NR2F1-AS1: variants seen among roughly 807,000 people sequenced by gnomAD.
NR2F1-AS1 encodes the protein NR2F1 regulatory antisense RNA 1.
rs144698873 is a variant in NR2F1-AS1, at chr5:93,416,745, T to A, written n.639-21203A>T. Among the ~76,000 whole-genome samples the A allele has an allele frequency of 4.1e-4, 63 of 152,310 alleles. No individual in the cohort carries two copies. The East Asian group carries it at 0.01, about 25-fold the overall frequency. ...CCTTCCAAAGTTGCAGTTGTCTGAC[T>A]CCAAAGCTCGTGCTCTTTACAATCA... On this transcript the variant is annotated intron_variant and non_coding_transcript_variant, in intron 4 of 5. Transcript: ENST00000660523.
chr5:93,578,142 C>CAG (rs1423282670), intron 1 of NR2F1-AS1, among the ~76,000 whole-genome samples: 1 of 152,154 alleles, frequency 6.6e-6, no homozygotes, highest in East Asian at 1.9e-4. Context: ...AACAGACAGA[C>CAG]AGTCCGCTTA....
rs927134850 is a variant in NR2F1-AS1, at chr5:93,579,475, G to C, written n.313+992C>G. The stretch of plus-strand genomic sequence containing the variant: ...GCACGGAGAGCCCACAGTAAGGATG[G>C]GTGGGCGCCTCTGCTCCCGGGCAGG... On this transcript the variant is annotated intron_variant and non_coding_transcript_variant, in intron 1 of 5. Coordinates refer to ENST00000660523, the Ensembl canonical transcript of NR2F1-AS1. The surrounding 1 kb of genome is among the most constrained non-coding windows in gnomAD (Gnocchi z 5.1). Among the ~76,000 whole-genome samples, 1 of 152,160 alleles carries C rather than the reference G, an allele frequency of 6.6e-6. No individual in the cohort carries two copies. Among genetic ancestry groups the C allele is most frequent in the Non-Finnish European group, 1.5e-5 (1 of 68,012 alleles).
chr5:93,569,325 C>A (rs1399965951), intron 1 of NR2F1-AS1, among the ~76,000 whole-genome samples: 2 of 152,280 alleles, frequency 1.3e-5, no homozygotes, highest in Admixed American at 6.5e-5. Context: ...ATTACAAGAT[C>A]CAGAATCAGA....
chr5:93,524,788 T>C (rs976293127), intron 4 of NR2F1-AS1, among the ~76,000 whole-genome samples: 2 of 152,056 alleles, frequency 1.3e-5, no homozygotes, highest in African/African-American at 4.8e-5. Context: ...AATAAAATCC[T>C]TTACAGACAA....
chr5:93,471,498 T>C (rs1750363328), intron 4 of NR2F1-AS1, among the ~76,000 whole-genome samples: 2 of 151,848 alleles, frequency 1.3e-5, no homozygotes, highest in African/African-American at 2.4e-5. Context: ...ACAATATGAA[T>C]AGAATATAAT....
chr5:93,500,767 G>A (rs1358038737), intron 4 of NR2F1-AS1, among the ~76,000 whole-genome samples: 1 of 152,058 alleles, frequency 6.6e-6, no homozygotes, highest in Non-Finnish European at 1.5e-5. Flanking sequence ...AGCCTCCTGA[G>A]TAGCTGGGAC....
rs565678997 is a variant in NR2F1-AS1 at position 93,557,893 on chromosome 5, C to T, written n.414-2898G>A. On this transcript the variant is annotated intron_variant and non_coding_transcript_variant, in intron 2 of 5. Transcript: ENST00000660523. Reference sequence around the variant, plus strand: ...TTATCAACTAAGTTTATATAATGTTCTAAATCTGTTATTACTTCAACAGTG... The same window carrying T: ...TTATCAACTAAGTTTATATAATGTTTTAAATCTGTTATTACTTCAACAGTG... Among the ~76,000 whole-genome samples, 289 of 152,296 alleles carry T rather than the reference C, an allele frequency of 1.9e-3. 1 individual carries two copies. Among genetic ancestry groups the T allele is most frequent in the Non-Finnish European group, 2.9e-3 (197 of 68,032 alleles).
intron 4 of NR2F1-AS1, among the ~76,000 whole-genome samples, chr5:93,533,029 T>G (rs1751765998): frequency 6.6e-6 from 1 of 152,220 alleles, no homozygotes; most frequent in South Asian, 2.1e-4. Flanking sequence ...TTTTAGTTAT[T>G]CATGTGTTTT....
At chr5:93,507,803 T>C (rs1197322795) in intron 4 of NR2F1-AS1, among the ~76,000 whole-genome samples, 2 of 152,128 alleles carry the variant, frequency 1.3e-5, no homozygotes, top group African/African-American at 4.8e-5. Context: ...AAGATCAATA[T>C]ACAAAAAATT....
At chr5:93,559,972 G>A (rs2149918543) in intron 2 of NR2F1-AS1, among the ~76,000 whole-genome samples, 1 of 152,224 alleles carries the variant, frequency 6.6e-6, no homozygotes. Context: ...TCTATACAGG[G>A]TTGCCACAAA....
intron 4 of NR2F1-AS1, among the ~76,000 whole-genome samples, chr5:93,468,290 T>A (rs1750285565): frequency 6.6e-6 from 1 of 152,114 alleles, no homozygotes; most frequent in Non-Finnish European, 1.5e-5. Flanking sequence ...AAGCACTATT[T>A]CTCCACATGC....
chr5:93,545,659 C>T (rs1451309512), intron 4 of NR2F1-AS1, among the ~76,000 whole-genome samples: 1 of 152,184 alleles, frequency 6.6e-6, no homozygotes, highest in Non-Finnish European at 1.5e-5. Flanking sequence ...CTGTGCATTT[C>T]TTTAAACATT....
chr5:93,575,591 A>G (rs1228512695), intron 1 of NR2F1-AS1, among the ~76,000 whole-genome samples: 2 of 152,184 alleles, frequency 1.3e-5, no homozygotes, highest in African/African-American at 4.8e-5. Context: ...GTCTTGCCCC[A>G]TTACCTCCCA....
At chr5:93,423,204 G>A (rs1050750011) in intron 4 of NR2F1-AS1, 14 of 152,182 alleles carry the variant, frequency 9.2e-5, no homozygotes, top group African/African-American at 3.1e-4. Flanking sequence ...ACCACATCAC[G>A]TCTGAGGAAA....
intron 4 of NR2F1-AS1, among the ~76,000 whole-genome samples, chr5:93,452,782 G>A (rs574951271): frequency 6.6e-6 from 1 of 152,230 alleles, no homozygotes; most frequent in East Asian, 1.9e-4. Flanking sequence ...GCTAAAGGCT[G>A]TTCTGGAACC....
chr5:93,442,164 G>T (rs1277346306), intron 4 of NR2F1-AS1, among the ~76,000 whole-genome samples: 1 of 152,188 alleles, frequency 6.6e-6, no homozygotes, highest in African/African-American at 2.4e-5. Flanking sequence ...ATTTCCAACT[G>T]AGGTGCCAGG....
At chr5:93,524,428 A>G (rs1477941655) in intron 4 of NR2F1-AS1, among the ~76,000 whole-genome samples, 1 of 152,224 alleles carries the variant, frequency 6.6e-6, no homozygotes, top group Admixed American at 6.5e-5. Flanking sequence ...GTTAGAAAAC[A>G]CGTTTCAGGA....
upstream of NR2F1-AS1, chr5:93,585,189 G>A (rs1753207961): frequency 3.3e-6 from 5 of 1,524,778 alleles, no homozygotes; most frequent in South Asian, 1.2e-5. Context: ...GCAGACCCCG[G>A]GCCAGCCCGG....
intron 1 of NR2F1-AS1, among the ~76,000 whole-genome samples, chr5:93,563,700 C>G (rs1752546055): frequency 6.6e-6 from 1 of 152,066 alleles, no homozygotes; most frequent in Admixed American, 6.5e-5. Flanking sequence ...ATCTCTCTTC[C>G]CCAACTTAAT....
Sources: gnomAD v4.1 joint callset for allele counts (sites outside exome capture counted in the v4.1 genomes callset) on GRCh38, gnomAD v4.1.1 for gene constraint, Gnocchi (gnomAD v3.1) non-coding constraint, MANE v1.5 for transcripts, NCBI Gene and HGNC (gene_info 2026-07-23, HGNC 2026-07-21) for gene names.